The following GDA variants were observed in gnomAD, a reference collection of about 807,000 sequenced individuals.
GDA encodes the protein cytoplasmic PSD-95 interactor.
GDA carries 18 observed loss-of-function variants against 59.6 expected under a neutral mutation model. That is an observed-to-expected ratio of 0.30 (90% confidence interval 0.21 to 0.45). GDA has a LOEUF of 0.45. Among genes scored for constraint, GDA ranks in the 20% least tolerant of loss-of-function variants. GDA has a pLI of 1.00. For missense variants in GDA, 427 were observed against 552.3 expected (o/e 0.77, Z 2.27); for synonymous variants, 201 against 201.1 (o/e 1.00, Z 0.00).
In GDA at chr9:72,131,974, C is replaced by T. The variant is rs1342131115; in HGVS notation, c.-100+17141C>T. Among the ~76,000 whole-genome samples, 4 of 152,302 alleles carry T rather than the reference C, an allele frequency of 2.6e-5. No homozygotes were observed. In the East Asian group the frequency reaches 5.8e-4, roughly 22 times the overall value. On this transcript the variant is annotated intron_variant, in intron 1 of 13. Coordinates refer to the GDA transcript ENST00000545168. Reference sequence around the variant, plus strand: ...GCAAGAAGGAGCAAGTCATATCTTACATGGATGGTGGCAGGCAAAGAGACA... The same window carrying T: ...GCAAGAAGGAGCAAGTCATATCTTATATGGATGGTGGCAGGCAAAGAGACA...
chr9:72,254,921 G>A (rs1840851524), downstream of GDA, among the ~76,000 whole-genome samples: 1 of 152,210 alleles, frequency 6.6e-6, no homozygotes, highest in Non-Finnish European at 1.5e-5. Context: ...AGGAACAAGT[G>A]AAGGATGGCT....
chr9:72,162,300 A>T (rs902588606), intron 1 of GDA, among the ~76,000 whole-genome samples: 3 of 152,204 alleles, frequency 2.0e-5, no homozygotes, highest in Admixed American at 1.3e-4. Flanking sequence ...CGGAGTCAAT[A>T]ATCAAATTAG....
intron 10 of GDA, among the ~76,000 whole-genome samples, chr9:72,240,761 A>C (rs566506929): frequency 4.6e-5 from 7 of 152,178 alleles, no homozygotes; most frequent in Admixed American, 4.6e-4. Context: ...AAAGAATGCC[A>C]GGAGCCACCA....
chr9:72,164,450 A>G (rs1327502076), intron 1 of GDA, among the ~76,000 whole-genome samples: 2 of 152,144 alleles, frequency 1.3e-5, no homozygotes, highest in Non-Finnish European at 2.9e-5. Context: ...CAGCACAGGG[A>G]GAGGGTGGCA....
At chr9:72,135,221 C>CGT (rs58242514) in intron 1 of GDA, among the ~76,000 whole-genome samples, 6,263 of 148,452 alleles carry the variant, frequency 0.042, 163 homozygotes, top group African/African-American at 0.086. Flanking sequence ...GGCCTACGTA[C>CGT]GTGTGTGTGT....
intron 1 of GDA, among the ~76,000 whole-genome samples, chr9:72,180,566 A>G (rs1831068192): frequency 6.6e-6 from 1 of 152,196 alleles, no homozygotes. Flanking sequence ...TACTTGCTGA[A>G]TGTAGTCTCT....
In GDA at chr9:72,149,695, G is replaced by A. The variant is rs777787171; in HGVS notation, c.123+13G>A. Reference sequence around the variant, plus strand: ...CGACAGCGGCAAAGTAAGCAGGCGCGGGGTCGAGCGCACTCCGACGGGCGG... The same window carrying A: ...CGACAGCGGCAAAGTAAGCAGGCGCAGGGTCGAGCGCACTCCGACGGGCGG... On this transcript the variant is annotated intron_variant, in intron 1 of 13. Coordinates refer to ENST00000358399, the MANE Select transcript of GDA (RefSeq NM_004293.5). 1.3e-6 allele frequency: 2 copies of A among 1,592,692 alleles called. No individual in the cohort carries two copies. The highest frequency in any genetic ancestry group is 1.8e-5 in the Admixed American group (1 of 56,974).
In GDA at chr9:72,149,471, A is replaced by C; in HGVS notation, c.-89A>C. ...AGGCCGGAGCCTGTGTCCGCCCGGC[A>C]GCCGCCCGCAGCTGCAGAGAGTCCC... On this transcript the variant is annotated 5_prime_UTR_variant, in exon 1 of 14. Coordinates refer to ENST00000358399, the MANE Select transcript of GDA (RefSeq NM_004293.5). The C allele has an allele frequency of 6.7e-7, 1 of 1,497,374 alleles. No homozygotes were observed. The highest frequency in any genetic ancestry group is 9.0e-7 in the Non-Finnish European group (1 of 1,111,780). 92.8% of individuals were successfully genotyped at this position (1,497,374 alleles called of 1,614,324 possible). A position where few individuals can be genotyped will look rare whatever the true frequency, so the allele number is the denominator to read the frequency against.
At chr9:72,141,389 C>T (rs1234745844) in intron 1 of GDA, among the ~76,000 whole-genome samples, 1 of 152,118 alleles carries the variant, frequency 6.6e-6, no homozygotes, top group Admixed American at 6.5e-5. Flanking sequence ...AGTTTTGACA[C>T]TCATTTATAG....
In GDA at chr9:72,250,904, C is replaced by A. The variant is rs1840615375; in HGVS notation, c.*2562C>A. The A allele has an allele frequency of 6.1e-5, 83 of 1,364,408 alleles. No individual in the cohort carries two copies. The South Asian group carries it at 9.1e-4, about 15-fold the overall frequency. 84.5% of individuals were successfully genotyped at this position (1,364,408 alleles called of 1,614,324 possible). A position where few individuals can be genotyped will look rare whatever the true frequency, so the allele number is the denominator to read the frequency against. On this transcript the variant is annotated 3_prime_UTR_variant, in exon 14 of 14. Coordinates refer to ENST00000358399, the MANE Select transcript of GDA (RefSeq NM_004293.5). ...ACAAAATATTTTTGCAACCAGAACA[C>A]AAAAGCAGGCTAGTCAGCTAAGGTA...
At chr9:72,204,323 C>G (rs1834397174) in intron 3 of GDA, among the ~76,000 whole-genome samples, 1 of 151,562 alleles carries the variant, frequency 6.6e-6, no homozygotes, top group Admixed American at 6.6e-5. Context: ...TCACATTGTT[C>G]TAAAAAAGAT....
intron 1 of GDA, among the ~76,000 whole-genome samples, chr9:72,125,315 C>T (rs1436182898): frequency 6.8e-6 from 1 of 147,984 alleles, no homozygotes; most frequent in Non-Finnish European, 1.5e-5. Flanking sequence ...TCCTTCCTTC[C>T]TTTACTCCCT....
At chr9:72,240,182 C>T (rs1295699950) in intron 10 of GDA, among the ~76,000 whole-genome samples, 3 of 152,124 alleles carry the variant, frequency 2.0e-5, no homozygotes, top group Admixed American at 6.5e-5. Context: ...TGATGCCTAC[C>T]AAAATATAGA....
intron 1 of GDA, among the ~76,000 whole-genome samples, chr9:72,154,127 C>T (rs1216843949): frequency 6.6e-6 from 1 of 152,138 alleles, no homozygotes; most frequent in Non-Finnish European, 1.5e-5. Flanking sequence ...TTAATGCACA[C>T]TTACCCAGAA....
intron 4 of GDA, among the ~76,000 whole-genome samples, chr9:72,211,004 G>C (rs1363475311): frequency 1.3e-5 from 2 of 152,090 alleles, no homozygotes; most frequent in Non-Finnish European, 2.9e-5. Flanking sequence ...TATTTTCTAA[G>C]TACTCTGATT....
intron 1 of GDA, among the ~76,000 whole-genome samples, chr9:72,182,146 A>G (rs1351793387): frequency 1.3e-5 from 2 of 152,156 alleles, no homozygotes; most frequent in African/African-American, 4.8e-5. Flanking sequence ...ATGAATTATT[A>G]TCTGGGTCAG....
chr9:72,120,604 T>G (rs553767292), intron 1 of GDA, among the ~76,000 whole-genome samples: 40 of 152,220 alleles, frequency 2.6e-4, no homozygotes, highest in Non-Finnish European at 5.1e-4. Flanking sequence ...TCAATCCATA[T>G]CACTGCAGGT....
chr9:72,233,250 A>G (rs914942611), intron 10 of GDA, among the ~76,000 whole-genome samples: 1 of 152,226 alleles, frequency 6.6e-6, no homozygotes, highest in African/African-American at 2.4e-5. Flanking sequence ...CACAAATATT[A>G]GGTAGAAGAA....
At chr9:72,141,685 C>T (rs1050326985) in intron 1 of GDA, among the ~76,000 whole-genome samples, 5 of 152,130 alleles carry the variant, frequency 3.3e-5, no homozygotes, top group South Asian at 2.1e-4. Flanking sequence ...GGCTAGCATG[C>T]ATTGTTAGCT....
Sources: gnomAD v4.1 joint callset for allele counts (sites outside exome capture counted in the v4.1 genomes callset) on GRCh38, gnomAD v4.1.1 for gene constraint, MANE v1.5 for transcripts, NCBI Gene and HGNC (gene_info 2026-07-23, HGNC 2026-07-21) for gene names.